The following GPR19 variants were observed in gnomAD, a reference collection of about 807,000 sequenced individuals.
The protein encoded by GPR19 is probable G protein-coupled receptor 19.
A neutral mutation model predicts 28.5 loss-of-function variants in GPR19; 14 were observed. The ratio of observed to expected loss-of-function variants is 0.49; its 90% CI spans 0.32 to 0.77. The LOEUF (loss-of-function observed/expected upper bound fraction) is 0.77. Among genes scored for constraint, GPR19 ranks in the 30% least tolerant of loss-of-function variants. GPR19 has a pLI of 0.03. For missense variants in GPR19, 409 were observed against 504.1 expected, an observed-to-expected ratio of 0.81 and a Z score of 1.81; for synonymous variants, 173 against 184.1, an observed-to-expected ratio of 0.94 and a Z score of 0.49.
upstream of GPR19, among the ~76,000 whole-genome samples, chr12:12,697,174 A>AAAAAAAAAAAAAC (rs1946278897): frequency 2.7e-5 from 4 of 150,148 alleles, no homozygotes; most frequent in Non-Finnish European, 4.4e-5. Context: ...AAAAAAAAAA[A>AAAAAAAAAAAAAC]AAAGCAGCCA....
At position 12,661,589 on chromosome 12, in the gene GPR19, A is replaced by G. The variant is rs758818277; in HGVS notation, c.860T>C (p.Leu287Pro). The G allele has an allele frequency of 7.4e-6, 12 of 1,614,070 alleles. No individual in the cohort carries two copies. Among genetic ancestry groups the G allele is most frequent in the Non-Finnish European group, 1.0e-5 (12 of 1,179,962 alleles). The change falls in exon 4 of 4, where the codon CTC becomes CCC. Residue 287 changes from leucine to proline, a missense_variant. Transcript: ENST00000651487. This position sits in a 1 kb window ranked among gnomAD's most constrained non-coding sequence, Gnocchi z 4.2. ...MFLILNLLFL[L>P]SWLPFHVAQL... ...AGCTACATGAAAAGGCAGCCAGGAG[A>G]GCAAAAACAACAGATTTAAAATGAG...
intron 2 of GPR19, among the ~76,000 whole-genome samples, chr12:12,692,637 G>GA (rs1389149028): frequency 6.6e-6 from 1 of 151,716 alleles, no homozygotes; most frequent in Non-Finnish European, 1.5e-5. Context: ...GAAAGTTTCT[G>GA]AAAAAGGTCC....
the GPR19 span, among the ~76,000 whole-genome samples, chr12:12,710,943 C>T: frequency 6.6e-6 from 1 of 152,188 alleles, no homozygotes; most frequent in Non-Finnish European, 1.5e-5. Flanking sequence ...AAACCAAATT[C>T]TTCACCTTCC....
At chr12:12,713,673 C>T in the GPR19 span, among the ~76,000 whole-genome samples, 1 of 152,144 alleles carries the variant, frequency 6.6e-6, no homozygotes, top group African/African-American at 2.4e-5. Flanking sequence ...GCTGGGATTA[C>T]AGGCCTGCAC....
intron 3 of GPR19, among the ~76,000 whole-genome samples, chr12:12,664,561 A>G (rs1454304137): frequency 1.3e-5 from 2 of 152,118 alleles, no homozygotes; most frequent in Non-Finnish European, 2.9e-5. Flanking sequence ...TTGACTACTA[A>G]AAGATCTTTA....
the GPR19 span, among the ~76,000 whole-genome samples, chr12:12,713,739 C>T: frequency 6.6e-6 from 1 of 152,108 alleles, no homozygotes; most frequent in African/African-American, 2.4e-5. Context: ...ATCATGTTGG[C>T]CAGGCTGGTC....
chr12:12,694,105 T>C (rs929375555), intron 2 of GPR19, among the ~76,000 whole-genome samples: 2 of 151,822 alleles, frequency 1.3e-5, no homozygotes, highest in African/African-American at 2.4e-5. Context: ...TCTGATTTAA[T>C]TGGTATAGAG....
upstream of GPR19, among the ~76,000 whole-genome samples, chr12:12,697,170 A>AAAAAAAAAAAAAAAAAAAAC (rs1565413588): frequency 6.7e-6 from 1 of 149,478 alleles, no homozygotes; most frequent in African/African-American, 2.4e-5. Flanking sequence ...AAAAAAAAAA[A>AAAAAAAAAAAAAAAAAAAAC]AAAAAAAGCA....
chr12:12,700,217 T>C (rs1457253557), upstream of GPR19, among the ~76,000 whole-genome samples: 2 of 151,958 alleles, frequency 1.3e-5, no homozygotes, highest in African/African-American at 4.8e-5. Flanking sequence ...AGACAGAGTC[T>C]CACTCTGTTG....
intron 2 of GPR19, among the ~76,000 whole-genome samples, chr12:12,687,189 T>C (rs1395680015): frequency 6.6e-6 from 1 of 152,176 alleles, no homozygotes; most frequent in Non-Finnish European, 1.5e-5. Flanking sequence ...ACTGTTTAGA[T>C]GTTACAAAAG....
intron 3 of GPR19, among the ~76,000 whole-genome samples, chr12:12,680,569 T>C (rs4763863): frequency 0.95 from 144,536 of 152,202 alleles, 69,062 homozygotes; most frequent in East Asian, 1. Flanking sequence ...TGCAGTGGAG[T>C]GATCACCGCT....
chr12:12,680,375 G>A (rs950456272), intron 3 of GPR19, among the ~76,000 whole-genome samples: 1 of 152,188 alleles, frequency 6.6e-6, no homozygotes, highest in African/African-American at 2.4e-5. Flanking sequence ...AATTAAACAT[G>A]ACAGACATGC....
intron 2 of GPR19, among the ~76,000 whole-genome samples, chr12:12,686,785 G>C (rs1946103419): frequency 6.6e-6 from 1 of 152,058 alleles, no homozygotes; most frequent in Non-Finnish European, 1.5e-5. Flanking sequence ...TTACTACTAT[G>C]GCCCCTTGAC....
chr12:12,691,695 A>C (rs1290658107), intron 2 of GPR19, among the ~76,000 whole-genome samples: 1 of 152,214 alleles, frequency 6.6e-6, no homozygotes, highest in Non-Finnish European at 1.5e-5. Flanking sequence ...TAGGATCTAA[A>C]ACAGCAAAGT....
chr12:12,668,495 TTTAG>T (rs1458935117), intron 3 of GPR19, among the ~76,000 whole-genome samples: 8 of 152,132 alleles, frequency 5.3e-5, no homozygotes, highest in Non-Finnish European at 1.2e-4. Flanking sequence ...GGATAGGTTT[TTTAG>T]TTAGTCTATT....
the GPR19 span, among the ~76,000 whole-genome samples, chr12:12,703,945 C>T: frequency 4.6e-3 from 703 of 152,100 alleles, 5 homozygotes; most frequent in African/African-American, 0.016. Flanking sequence ...TTGGAGGATA[C>T]AAAAAAGATT....
chr12:12,665,295 A>G (rs1048647881), intron 3 of GPR19, among the ~76,000 whole-genome samples: 4 of 152,178 alleles, frequency 2.6e-5, no homozygotes, highest in African/African-American at 9.7e-5. Flanking sequence ...CGCTTTAACT[A>G]AAGCCCGGAG....
intron 3 of GPR19, among the ~76,000 whole-genome samples, chr12:12,682,644 C>G (rs1946038590): frequency 6.6e-6 from 1 of 152,098 alleles, no homozygotes; most frequent in South Asian, 2.1e-4. Flanking sequence ...AATGCTTAAG[C>G]TAAAAGACTA....
intron 3 of GPR19, among the ~76,000 whole-genome samples, chr12:12,683,595 A>G (rs1251551444): frequency 1.3e-5 from 2 of 152,266 alleles, no homozygotes; most frequent in South Asian, 2.1e-4. Context: ...TAAGGATTCA[A>G]TGACTGTTTG....
Sources: allele counts gnomAD v4.1 joint callset (sites outside exome capture counted in the v4.1 genomes callset), GRCh38; gene constraint gnomAD v4.1.1; non-coding constraint Gnocchi (gnomAD v3.1); transcripts MANE v1.5; gene names NCBI Gene and HGNC (gene_info 2026-07-23, HGNC 2026-07-21).